RBM26: variants seen among roughly 807,000 people sequenced by gnomAD.
RBM26 encodes the protein RNA binding motif protein 26.
Under a neutral mutation model 123.6 loss-of-function variants are expected in RBM26, and 30 were observed. The ratio of observed to expected loss-of-function variants is 0.24; its 90% CI spans 0.18 to 0.33. The LOEUF (loss-of-function observed/expected upper bound fraction) is 0.33. Among genes scored for constraint, RBM26 ranks in the 10% least tolerant of loss-of-function variants. The probability of loss-of-function intolerance (pLI) is 1.00; values close to 1 mark genes in which losing one functional copy is unlikely to be tolerated. For synonymous variants in RBM26, 400 were observed against 404.4 expected (o/e 0.99, Z 0.13); for missense variants, 947 against 1,203.6 (o/e 0.79, Z 3.15).
intron 1 of RBM26, among the ~76,000 whole-genome samples, chr13:79,396,961 C>T (rs999349147): frequency 6.6e-6 from 1 of 152,124 alleles, no homozygotes; most frequent in Non-Finnish European, 1.5e-5. Flanking sequence ...AGGCAGATCA[C>T]CTGAGGTCAG....
At chr13:79,384,836 G>A (rs753314318) in intron 1 of RBM26, among the ~76,000 whole-genome samples, 19 of 152,136 alleles carry the variant, frequency 1.2e-4, no homozygotes, top group Non-Finnish European at 2.4e-4. Context: ...GTGTGTTTTA[G>A]TTTTTCAGAT....
At chr13:79,355,091 G>A (rs753606441) in intron 12 of RBM26, 129 bp downstream of exon 12, 5 of 782,054 alleles carry the variant, frequency 6.4e-6, no homozygotes, top group Non-Finnish European at 1.0e-5. Flanking sequence ...GTCTTTACAG[G>A]TAACAGAAGC....
exon 5 of RBM26, chr13:79,312,929 A>G (rs1365762128): frequency 6.6e-6 from 1 of 151,942 alleles, no homozygotes; most frequent in Admixed American, 6.6e-5. Context: ...AGGGGCCTGT[A>G]TCATTTTAAA....
intron 11 of RBM26, 148 bp downstream of exon 11, chr13:79,358,126 G>A (rs369791073): frequency 4.3e-5 from 24 of 560,354 alleles, no homozygotes; most frequent in African/African-American, 1.8e-4. Context: ...CAGGTGATCC[G>A]CCCGCCTTGG....
intron 1 of RBM26, among the ~76,000 whole-genome samples, chr13:79,379,833 G>A (rs2076939869): frequency 6.6e-6 from 1 of 151,120 alleles, no homozygotes; most frequent in Non-Finnish European, 1.5e-5. Flanking sequence ...AAAAGACAAA[G>A]GATATGAATA....
chr13:79,375,533 T>C lies in RBM26; in HGVS notation c.327+1846A>G, dbSNP rs547374090. Among the ~76,000 whole-genome samples the C allele has an allele frequency of 2.8e-4, 43 of 152,196 alleles. No homozygotes were observed. In the South Asian group the frequency reaches 8.1e-3, roughly 29 times the overall value. On this transcript the variant is annotated intron_variant, in intron 3 of 21. Transcript: ENST00000438737. Reference sequence around the variant, plus strand: ...CCAAAGTTCCACCAGTAGGCAAAACTTGAATAAACCATTGCATATCTCTAT... The same window carrying C: ...CCAAAGTTCCACCAGTAGGCAAAACCTGAATAAACCATTGCATATCTCTAT...
At chr13:79,360,490 A>AATATAT (rs141926769) in intron 9 of RBM26, among the ~76,000 whole-genome samples, 7,805 of 149,948 alleles carry the variant, frequency 0.052, 267 homozygotes, top group Middle Eastern at 0.2. Context: ...CCTCACCACA[A>AATATAT]ATATATATAT....
rs150236946 is a variant in RBM26 at position 79,374,278 on chromosome 13, G to A, written c.328-2348C>T. 2.1e-3 allele frequency among the ~76,000 whole-genome samples: 317 copies of A among 152,172 alleles called. 2 individuals are homozygous for A. Among genetic ancestry groups the A allele is most frequent in the African/African-American group, 7.3e-3 (302 of 41,502 alleles). The stretch of plus-strand genomic sequence containing the variant: ...GAGGTCAGCAGTTTAAGACCAGCCT[G>A]GCCAACACGCTGAAATATCATCTCT... On this transcript the variant is annotated intron_variant, in intron 3 of 21. Transcript: ENST00000438737.
downstream of RBM26, among the ~76,000 whole-genome samples, chr13:79,316,232 T>TGTGTGTGTGTGTGTG: frequency 3.8e-5 from 5 of 130,040 alleles, no homozygotes; most frequent in South Asian, 2.4e-4. Context: ...TGTGTGTGTG[T>TGTGTGTGTGTGTGTG]TGGGTGGAGC....
At chr13:79,313,704 T>C (rs994353811) in exon 5 of RBM26, 1 of 151,810 alleles carries the variant, frequency 6.6e-6, no homozygotes, top group East Asian at 1.9e-4. Context: ...TTCCAAATTA[T>C]GTATTTTTAA....
chr13:79,316,608 C>T (rs1359314346), downstream of RBM26, among the ~76,000 whole-genome samples: 1 of 151,936 alleles, frequency 6.6e-6, no homozygotes, highest in African/African-American at 2.4e-5. Context: ...ATGGAATACT[C>T]TCCCATTCCT....
chr13:79,370,314 A>T (rs2075751081), intron 5 of RBM26, among the ~76,000 whole-genome samples: 1 of 152,170 alleles, frequency 6.6e-6, no homozygotes, highest in Non-Finnish European at 1.5e-5. Context: ...ATACTCTGTC[A>T]CAAAAACAAA....
chr13:79,350,603 A>T (rs2073083545), intron 14 of RBM26, among the ~76,000 whole-genome samples: 1 of 152,192 alleles, frequency 6.6e-6, no homozygotes, highest in South Asian at 2.1e-4. Context: ...GATAAAGAAT[A>T]ATCACTAAAG....
chr13:79,353,011 C>T, intron 14 of RBM26, 142 bp downstream of exon 14: 1 of 429,606 alleles, frequency 2.3e-6, no homozygotes, highest in East Asian at 3.4e-5. Context: ...TCTTTTTCAG[C>T]AAATGGAAAC....
chr13:79,371,291 A>C lies in RBM26; in HGVS notation c.417-129T>G, dbSNP rs138196067. ...TATCCTACCATCAGACAACTGAAAA[A>C]ACTGAGCTTAATATTCAGTACTTTA... On this transcript the variant is annotated intron_variant, in intron 4 of 21. Transcript: ENST00000438737. The C allele has an allele frequency of 1.2e-4, 84 of 717,550 alleles. No homozygotes were observed. In the African/African-American group the frequency reaches 1.4e-3, roughly 12 times the overall value. 44.4% of individuals were successfully genotyped at this position (717,550 alleles called of 1,614,324 possible).
At chr13:79,340,776 A>G (rs551924269) in intron 18 of RBM26, among the ~76,000 whole-genome samples, 30 of 152,130 alleles carry the variant, frequency 2.0e-4, no homozygotes, top group African/African-American at 7.0e-4. Context: ...AACTCAATTT[A>G]TATGCAAAGA....
intron 1 of RBM26, among the ~76,000 whole-genome samples, chr13:79,380,209 C>A (rs2076975154): frequency 6.6e-6 from 1 of 152,028 alleles, no homozygotes; most frequent in Admixed American, 6.6e-5. Context: ...TTAGAGAGAA[C>A]TGGAAAAATA....
intron 3 of RBM26, among the ~76,000 whole-genome samples, chr13:79,375,984 T>C (rs564251069): frequency 1.3e-5 from 2 of 152,068 alleles, no homozygotes; most frequent in East Asian, 3.9e-4. Context: ...ATTGGTGCTT[T>C]ATATACATTA....
Position 79,371,056 on chromosome 13 carries a change from G to A in RBM26, c.523C>T (p.Arg175Trp), listed in dbSNP as rs377752187. 5.0e-6 allele frequency: 8 copies of A among 1,613,640 alleles called. No homozygotes were observed. The highest frequency in any genetic ancestry group is 1.3e-5 in the African/African-American group (1 of 74,884). Reference sequence around the variant, plus strand: ...CGACTCCTGCTATAACTGCGACTCCGCCCTCGTCTTCTATTGTACCGGTCT... The same window carrying A: ...CGACTCCTGCTATAACTGCGACTCCACCCTCGTCTTCTATTGTACCGGTCT... ...YRDRYNRRRG[R>W]SRSYSRSRSR... Residue 175 changes from arginine to tryptophan, a missense_variant, in exon 5 of 22, where the codon CGG (arginine) becomes TGG (tryptophan). Arg to Trp is a moderately radical substitution (Grantham distance 101, BLOSUM62 -3). This residue lies in a region of RBM26 where 275 missense variants were observed against 361.0 expected (regional missense o/e 0.76). Coordinates refer to ENST00000438737, the MANE Select transcript of RBM26 (RefSeq NM_001366735.2).
Sources: allele counts gnomAD v4.1 joint callset (sites outside exome capture counted in the v4.1 genomes callset), GRCh38; gene constraint gnomAD v4.1.1; regional missense constraint gnomAD v4.1.1; transcripts MANE v1.5; gene names NCBI Gene and HGNC (gene_info 2026-07-23, HGNC 2026-07-21).